Variants in SLC22A23 observed in about 807,000 individuals in gnomAD.
SLC22A23 encodes solute carrier family 22 member 23.
Under a neutral mutation model 61.0 loss-of-function variants are expected in SLC22A23, and 26 were observed. The ratio of observed to expected loss-of-function variants is 0.43; its 90% CI spans 0.31 to 0.59. The LOEUF is 0.59. SLC22A23 is among the 20% of genes least tolerant of loss of function. The probability of loss-of-function intolerance (pLI) is 0.11; values close to 1 mark genes in which losing one functional copy is unlikely to be tolerated. For missense variants in SLC22A23, 796 were observed against 934.7 expected, an observed-to-expected ratio of 0.85 and a Z score of 1.94; for synonymous variants, 430 against 413.9, an observed-to-expected ratio of 1.04 and a Z score of -0.47.
At chr6:3,349,864 G>A (rs79087434) in intron 3 of SLC22A23, among the ~76,000 whole-genome samples, 1,975 of 152,308 alleles carry the variant, frequency 0.013, 23 homozygotes, top group Middle Eastern at 0.054. Flanking sequence ...TGCTCCCATC[G>A]CTCTCTGATC....
At chr6:3,403,697 C>T (rs752040489) in intron 3 of SLC22A23, among the ~76,000 whole-genome samples, 12 of 152,184 alleles carry the variant, frequency 7.9e-5, no homozygotes, top group Non-Finnish European at 1.8e-4. Flanking sequence ...CCCCCACTCC[C>T]ACCCCAAGAA....
chr6:3,414,453 A>C lies in SLC22A23; in HGVS notation c.758+1299T>G, dbSNP rs893801546. ...GTTGCTGTCCACAGAGAACGTGTCC[A>C]TGAGAAGCACTTGCAAATCATGATG... On this transcript the variant is annotated intron_variant, in intron 2 of 9. Transcript: ENST00000406686. The surrounding 1 kb of genome is among the most constrained non-coding windows in gnomAD (Gnocchi z 5.1). Among the ~76,000 whole-genome samples, 7 of 152,194 alleles carry C rather than the reference A, an allele frequency of 4.6e-5. No individual in the cohort carries two copies. The highest frequency in any genetic ancestry group is 7.4e-5 in the Non-Finnish European group (5 of 68,022).
intron 4 of SLC22A23, among the ~76,000 whole-genome samples, chr6:3,300,304 C>T (rs564008705): frequency 7.9e-4 from 121 of 152,240 alleles, no homozygotes; most frequent in Non-Finnish European, 1.4e-3. Context: ...CCACCGTGCC[C>T]GGACTCAGGA....
intron 1 of SLC22A23, among the ~76,000 whole-genome samples, chr6:3,421,836 C>T (rs1395946867): frequency 6.6e-6 from 1 of 152,114 alleles, no homozygotes; most frequent in Non-Finnish European, 1.5e-5. Context: ...TTAAGACAAT[C>T]CTATAAATCA....
chr6:3,311,419 A>G (rs1312826541), intron 4 of SLC22A23, among the ~76,000 whole-genome samples: 1 of 152,234 alleles, frequency 6.6e-6, no homozygotes, highest in African/African-American at 2.4e-5. Flanking sequence ...AAAATAATAA[A>G]GGCTAAAGTT....
intron 3 of SLC22A23, among the ~76,000 whole-genome samples, chr6:3,383,917 G>A (rs1454044331): frequency 6.6e-6 from 1 of 152,212 alleles, no homozygotes; most frequent in African/African-American, 2.4e-5. Context: ...CATGATCAGA[G>A]CTGCCTTTTT....
At chr6:3,432,655 T>C (rs1770943775) in intron 1 of SLC22A23, among the ~76,000 whole-genome samples, 1 of 152,226 alleles carries the variant, frequency 6.6e-6, no homozygotes, top group African/African-American at 2.4e-5. Flanking sequence ...CGTCTCAGGA[T>C]GACACACGCA....
intron 3 of SLC22A23, among the ~76,000 whole-genome samples, chr6:3,383,416 C>T (rs746645367): frequency 6.6e-6 from 1 of 152,190 alleles, no homozygotes; most frequent in Non-Finnish European, 1.5e-5. Flanking sequence ...AGTACATGAA[C>T]GTGCACGGTG....
chr6:3,323,185 A>C (rs1029766370), intron 4 of SLC22A23: 1 of 453,122 alleles, frequency 2.2e-6, no homozygotes, highest in Non-Finnish European at 4.4e-6. Flanking sequence ...GGCATATTAG[A>C]CTGATATTGA....
chr6:3,287,284 G>T (rs371041151), intron 6 of SLC22A23, among the ~76,000 whole-genome samples, 193 bp from the exon 7 acceptor site: 25 of 152,350 alleles, frequency 1.6e-4, no homozygotes, highest in African/African-American at 6.0e-4. Flanking sequence ...GAGAAATATG[G>T]AATGCTTCTC....
chr6:3,435,359 C>T (rs929546490), intron 1 of SLC22A23, among the ~76,000 whole-genome samples: 8 of 151,918 alleles, frequency 5.3e-5, no homozygotes, highest in Admixed American at 3.9e-4. Flanking sequence ...ATCCCTGCTC[C>T]CCTTCCCCTC....
chr6:3,327,257 T>C lies in SLC22A23; in HGVS notation c.914-3255A>G, dbSNP rs1394845974. Among the ~76,000 whole-genome samples the C allele has an allele frequency of 1.3e-5, 2 of 152,268 alleles. No individual in the cohort carries two copies. Among genetic ancestry groups the C allele is most frequent in the Non-Finnish European group, 2.9e-5 (2 of 68,034 alleles). On this transcript the variant is annotated intron_variant, in intron 3 of 9. Coordinates refer to ENST00000406686, the MANE Select transcript of SLC22A23 (RefSeq NM_015482.2). The surrounding 1 kb of genome is among the most constrained non-coding windows in gnomAD (Gnocchi z 4.1). ...AACTGCCCCTTCAGGGCCTGGCTAC[T>C]GTGGAGAGTAGATCACTCACAGGCA... is the stretch of plus-strand genomic sequence containing the variant.
At chr6:3,279,447 G>T (rs1759217503) in intron 9 of SLC22A23, among the ~76,000 whole-genome samples, 1 of 135,642 alleles carries the variant, frequency 7.4e-6, no homozygotes, top group South Asian at 2.4e-4. Flanking sequence ...GGAGTTGGAG[G>T]TTGCAGTGAG....
rs951378148 is a variant in SLC22A23 at position 3,277,794 on chromosome 6, G to A, written c.1704-4382C>T. Among the ~76,000 whole-genome samples, 11 of 152,282 alleles carry A rather than the reference G, an allele frequency of 7.2e-5. No individual in the cohort carries two copies. In the South Asian group the frequency reaches 2.1e-3, roughly 29 times the overall value. On this transcript the variant is annotated intron_variant, in intron 9 of 9. Transcript: ENST00000406686. The stretch of plus-strand genomic sequence containing the variant: ...ACCCTTGTGCCTTGAGTGTGCGCTG[G>A]CCCTCAAGGTACAAGGTACAAATAA...
chr6:3,382,400 T>C (rs991922082), intron 3 of SLC22A23, among the ~76,000 whole-genome samples: 7 of 152,252 alleles, frequency 4.6e-5, no homozygotes, highest in Non-Finnish European at 4.4e-5. Context: ...CGCCCTAGTC[T>C]GAAAATTGCT....
At chr6:3,439,930 TC>T (rs1439362279) in intron 1 of SLC22A23, among the ~76,000 whole-genome samples, 6 of 151,724 alleles carry the variant, frequency 4.0e-5, no homozygotes, top group Admixed American at 3.9e-4. Context: ...AGCTCTGGGG[TC>T]CCTGTGGGGA....
At chr6:3,429,642 G>A (rs972353470) in intron 1 of SLC22A23, among the ~76,000 whole-genome samples, 2 of 152,212 alleles carry the variant, frequency 1.3e-5, no homozygotes, top group Admixed American at 1.3e-4. Context: ...GCCAAGGGCT[G>A]AGAGAAACTC....
intron 3 of SLC22A23, among the ~76,000 whole-genome samples, chr6:3,392,317 C>T (rs1767716294): frequency 6.6e-6 from 1 of 152,234 alleles, no homozygotes; most frequent in African/African-American, 2.4e-5. Flanking sequence ...GGGACTGCCA[C>T]AGCAGCCCAG....
intron 9 of SLC22A23, among the ~76,000 whole-genome samples, chr6:3,273,615 T>G (rs1758634163): frequency 6.6e-6 from 1 of 152,254 alleles, no homozygotes; most frequent in Non-Finnish European, 1.5e-5. Context: ...TGACTGTTTT[T>G]CCTCATCAAA....
Sources: gnomAD v4.1 joint callset for allele counts (sites outside exome capture counted in the v4.1 genomes callset) on GRCh38, gnomAD v4.1.1 for gene constraint, Gnocchi (gnomAD v3.1) non-coding constraint, MANE v1.5 for transcripts, NCBI Gene and HGNC (gene_info 2026-07-23, HGNC 2026-07-21) for gene names.